ERBIN: variants seen among roughly 807,000 people sequenced by gnomAD.
The protein encoded by ERBIN is densin-180-like protein.
ERBIN carries 60 observed loss-of-function variants against 158.4 expected under a neutral mutation model. That is an observed-to-expected ratio of 0.38 (90% CI 0.31 to 0.47). The LOEUF is 0.47. ERBIN is among the 20% of genes least tolerant of loss of function. The pLI, the probability that ERBIN is intolerant of heterozygous loss-of-function variation, is 0.99. For missense variants in ERBIN, 1,610 were observed against 1,648.0 expected (o/e 0.98, Z 0.40); for synonymous variants, 594 against 557.2 (o/e 1.07, Z -0.93).
intron 1 of ERBIN, among the ~76,000 whole-genome samples, chr5:65,952,202 C>T (rs59554488): frequency 0.041 from 6,155 of 150,522 alleles, 409 homozygotes; most frequent in African/African-American, 0.14. Flanking sequence ...CTTTTTTTTT[C>T]CCCCCAACTT....
chr5:66,018,502 T>C lies in ERBIN; in HGVS notation c.534-2820T>C, dbSNP rs1400967305. 8.0e-3 allele frequency among the ~76,000 whole-genome samples: 78 copies of C among 9,734 alleles called. 32 individuals carry two copies. Among genetic ancestry groups the C allele is most frequent in the Non-Finnish European group, 0.011 (60 of 5,222 alleles). The allele number at this position is 9,734 out of a possible 152,430, so 6.4% of individuals were successfully genotyped here. On this transcript the variant is annotated intron_variant, in intron 7 of 25. Coordinates refer to ENST00000284037, the MANE Select transcript of ERBIN (RefSeq NM_001253697.2). ...ATATTATATATTATATTATATAATA[T>C]ATATTATATATTATATAATATATAT...
chr5:66,063,454 T>C (rs1760660137), intron 21 of ERBIN, among the ~76,000 whole-genome samples: 1 of 152,138 alleles, frequency 6.6e-6, no homozygotes, highest in Non-Finnish European at 1.5e-5. Flanking sequence ...TTCCTTTGAC[T>C]AGGAAAGGGA....
At chr5:66,073,034 C>T (rs1329174264) in intron 22 of ERBIN, among the ~76,000 whole-genome samples, 1 of 152,078 alleles carries the variant, frequency 6.6e-6, no homozygotes, top group Non-Finnish European at 1.5e-5. Context: ...TTTAATTGAG[C>T]TTTGTCATCC....
At position 66,054,539 on chromosome 5, in the gene ERBIN, T is replaced by A; in HGVS notation, c.3221T>A (p.Ile1074Asn). 6.2e-7 allele frequency: 1 copy of A among 1,614,156 alleles called. No individual in the cohort carries two copies. The highest frequency in any genetic ancestry group is 8.5e-7 in the Non-Finnish European group (1 of 1,180,020). ...RLIPAVTRST[I>N]QRQSSVSSTA... is the part of the protein sequence containing the mutation. ...ATTCCTGCAGTAACTCGAAGTACAA[T>A]CCAGCGACAAAGTAGTGTGTCCTCC... The change falls in exon 21 of 26, where the codon ATC becomes AAC. Residue 1074 changes from isoleucine (I) to asparagine (N), a missense_variant. Transcript: ENST00000284037.
At position 66,054,735 on chromosome 5, in the gene ERBIN, A is replaced by G; in HGVS notation, c.3417A>G (p.Ala1139=). The change falls in exon 21 of 26, where the codon GCA becomes GCG. Residue 1139 remains alanine (A), a synonymous_variant. Coordinates refer to ENST00000284037, the MANE Select transcript of ERBIN (RefSeq NM_001253697.2). ...ARTYSIDGPN[A]SRPQSARPSI... Reference sequence around the variant, plus strand: ...CATACAGCATAGATGGTCCAAATGCATCAAGACCTCAGAGTGCTCGACCCT... The same window carrying G: ...CATACAGCATAGATGGTCCAAATGCGTCAAGACCTCAGAGTGCTCGACCCT... 6.2e-7 allele frequency: 1 copy of G among 1,614,164 alleles called. No individual in the cohort carries two copies. Among genetic ancestry groups the G allele is most frequent in the Non-Finnish European group, 8.5e-7 (1 of 1,180,006 alleles).
At chr5:66,049,269 C>T (rs758296088) in intron 19 of ERBIN, among the ~76,000 whole-genome samples, 2 of 152,018 alleles carry the variant, frequency 1.3e-5, no homozygotes, top group Non-Finnish European at 2.9e-5. Context: ...ATAAGACAAT[C>T]TTAGACTCTT....
intron 1 of ERBIN, among the ~76,000 whole-genome samples, chr5:65,934,033 A>G (rs1179864600): frequency 6.6e-6 from 1 of 152,098 alleles, no homozygotes; most frequent in Non-Finnish European, 1.5e-5. Flanking sequence ...AGTAGCTGAG[A>G]CTATAGACGC....
At chr5:66,005,626 A>C (rs1231639132) in intron 4 of ERBIN, among the ~76,000 whole-genome samples, 3 of 152,214 alleles carry the variant, frequency 2.0e-5, no homozygotes, top group Non-Finnish European at 4.4e-5. Context: ...TTTGCAGATG[A>C]CATGATTGTA....
At chr5:66,057,001 G>C (rs1467985793) in intron 21 of ERBIN, among the ~76,000 whole-genome samples, 1 of 152,018 alleles carries the variant, frequency 6.6e-6, no homozygotes, top group Non-Finnish European at 1.5e-5. Flanking sequence ...TTCTTAAAAA[G>C]TATTCACATG....
intron 14 of ERBIN, among the ~76,000 whole-genome samples, chr5:66,033,402 A>G (rs1333013013): frequency 6.6e-6 from 1 of 152,212 alleles, no homozygotes; most frequent in Admixed American, 6.5e-5. Flanking sequence ...GCAGTAGACT[A>G]AGAGGCTTAA....
intron 4 of ERBIN, among the ~76,000 whole-genome samples, chr5:66,009,757 A>G (rs1346150850): frequency 6.6e-6 from 1 of 152,210 alleles, no homozygotes; most frequent in Non-Finnish European, 1.5e-5. Flanking sequence ...CCATCTTCAA[A>G]AGAAACATCT....
In ERBIN at chr5:66,024,320, G is replaced by A; in HGVS notation, c.687G>A (p.Leu229=). ...TTTACTTATAGTTTATTGGTAGTTT[G>A]AAACAGCTCACATATTTGGATGTTT... ...LTFIPGFIGS[L]KQLTYLDVSK... is the part of the protein sequence containing the mutation. Residue 229 remains leucine (L), a synonymous_variant, in exon 10 of 26, where the codon TTG becomes TTA. Coordinates refer to ENST00000284037, the MANE Select transcript of ERBIN (RefSeq NM_001253697.2). 1 of 1,537,432 alleles carries A rather than the reference G, an allele frequency of 6.5e-7. No individual in the cohort carries two copies. The highest frequency in any genetic ancestry group is 8.9e-7 in the Non-Finnish European group (1 of 1,127,346).
At chr5:65,930,598 G>A (rs1363433346) in intron 1 of ERBIN, among the ~76,000 whole-genome samples, 1 of 152,132 alleles carries the variant, frequency 6.6e-6, no homozygotes, top group Non-Finnish European at 1.5e-5. Flanking sequence ...ATGAGCCACC[G>A]CTCCCGGCCA....
At chr5:66,077,798 A>AGT (rs1377491279) in intron 25 of ERBIN, among the ~76,000 whole-genome samples, 191 of 136,662 alleles carry the variant, frequency 1.4e-3, no homozygotes, top group African/African-American at 5.6e-3. Flanking sequence ...ACACACATAC[A>AGT]CACACACACA....
At chr5:66,026,588 C>A (rs1756280809) in intron 13 of ERBIN, among the ~76,000 whole-genome samples, 171 bp downstream of exon 13, 1 of 151,908 alleles carries the variant, frequency 6.6e-6, no homozygotes, top group South Asian at 2.1e-4. Context: ...AGTGAAACAA[C>A]ATACAATGAA....
chr5:65,950,134 T>C (rs926014143), intron 1 of ERBIN, among the ~76,000 whole-genome samples: 4 of 152,158 alleles, frequency 2.6e-5, no homozygotes, highest in Admixed American at 1.3e-4. Context: ...GCCTCTTGAG[T>C]AGCTGGGACT....
intron 21 of ERBIN, chr5:66,068,772 T>G (rs1761255018): frequency 2.0e-6 from 2 of 989,218 alleles, no homozygotes; most frequent in Admixed American, 3.5e-5. Flanking sequence ...GCATGATACT[T>G]CTCTGGTTTT....
Position 65,954,160 on chromosome 5 carries a change from C to T in ERBIN, c.-58+27354C>T, listed in dbSNP as rs143379835. Reference sequence around the variant, plus strand: ...TTTGATTGAGACGATATATTAAAAGCGCATATAATTTACCCCCCACCTAGA... The same window carrying T: ...TTTGATTGAGACGATATATTAAAAGTGCATATAATTTACCCCCCACCTAGA... On this transcript the variant is annotated intron_variant, in intron 1 of 25. Coordinates refer to ENST00000284037, the MANE Select transcript of ERBIN (RefSeq NM_001253697.2). 7.4e-3 allele frequency among the ~76,000 whole-genome samples: 1,121 copies of T among 152,168 alleles called. 20 individuals carry two copies. Among genetic ancestry groups the T allele is most frequent in the African/African-American group, 0.026 (1,071 of 41,506 alleles).
At chr5:66,051,516 AAAG>A (rs1466319720) in intron 20 of ERBIN, among the ~76,000 whole-genome samples, 12 of 152,190 alleles carry the variant, frequency 7.9e-5, no homozygotes, top group East Asian at 3.8e-4. Context: ...AAAGAAAAAA[AAAG>A]AAGAAATTTG....
Sources: allele counts gnomAD v4.1 joint callset (sites outside exome capture counted in the v4.1 genomes callset), GRCh38; gene constraint gnomAD v4.1.1; transcripts MANE v1.5; gene names NCBI Gene and HGNC (gene_info 2026-07-23, HGNC 2026-07-21).